ULK4: variants seen among roughly 807,000 people sequenced by gnomAD.
The protein encoded by ULK4 is unc-51 like kinase 4, also known as inactive serine/threonine-protein kinase ULK4.
ULK4 carries 133 observed loss-of-function variants against 160.6 expected under a neutral mutation model. That is an observed-to-expected ratio of 0.83 (90% confidence interval 0.72 to 0.96). ULK4 has a LOEUF of 0.96. Among genes scored for constraint, ULK4 ranks in the 40% least tolerant of loss-of-function variants. The pLI is 0.00. For missense variants in ULK4, 1,580 were observed against 1,499.5 expected (o/e 1.05, Z -0.89); for synonymous variants, 534 against 539.8 (o/e 0.99, Z 0.15).
At position 41,559,081 on chromosome 3, in the gene ULK4, A is replaced by G. The variant is rs924337802; in HGVS notation, c.3226+6944T>C. On this transcript the variant is annotated intron_variant, in intron 32 of 36. Transcript: ENST00000301831. ...ATCATGTTCCCCTTCCTGTGTCCAT[A>G]TGTTCTCATTGTTCAATTCCCACCT... 1.6e-4 allele frequency among the ~76,000 whole-genome samples: 23 copies of G among 146,740 alleles called. No homozygotes were observed. The South Asian group carries it at 1.8e-3, about 11-fold the overall frequency.
intron 30 of ULK4, among the ~76,000 whole-genome samples, chr3:41,636,144 T>A (rs573228353): frequency 2.0e-5 from 3 of 152,280 alleles, no homozygotes; most frequent in Non-Finnish European, 4.4e-5. Context: ...ATTACATGTA[T>A]TACCATTGCC....
chr3:41,724,283 T>C (rs1467800570), intron 22 of ULK4, among the ~76,000 whole-genome samples: 1 of 152,222 alleles, frequency 6.6e-6, no homozygotes, highest in Non-Finnish European at 1.5e-5. Context: ...TGGATGCACA[T>C]AAACATTTCT....
chr3:41,545,002 C>T (rs981097842), intron 32 of ULK4, among the ~76,000 whole-genome samples: 14 of 152,194 alleles, frequency 9.2e-5, no homozygotes, highest in Non-Finnish European at 7.3e-5. Flanking sequence ...CTTGAATAAA[C>T]ACTCCTTGTA....
intron 31 of ULK4, among the ~76,000 whole-genome samples, chr3:41,601,916 G>A (rs1400431670): frequency 6.6e-6 from 1 of 151,998 alleles, no homozygotes; most frequent in Non-Finnish European, 1.5e-5. Context: ...AATCTGGGCT[G>A]GACATGGTGG....
chr3:41,709,424 G>C (rs2037013722), intron 25 of ULK4, among the ~76,000 whole-genome samples: 1 of 152,142 alleles, frequency 6.6e-6, no homozygotes, highest in African/African-American at 2.4e-5. Context: ...GTCTCGCTCT[G>C]TCACCAGGCT....
At chr3:41,943,461 C>T (rs763660736) in intron 2 of ULK4, among the ~76,000 whole-genome samples, 15 of 152,146 alleles carry the variant, frequency 9.9e-5, no homozygotes, top group Non-Finnish European at 2.2e-4. Context: ...TCTGGTTAAA[C>T]TCAACCAACC....
At chr3:41,958,911 G>C (rs1296503536) in intron 1 of ULK4, among the ~76,000 whole-genome samples, 2 of 152,076 alleles carry the variant, frequency 1.3e-5, no homozygotes, top group East Asian at 1.9e-4. Context: ...CAAAGGGATG[G>C]ATATGGCTGA....
chr3:41,491,979 G>A (rs1485324962), intron 32 of ULK4, among the ~76,000 whole-genome samples: 1 of 151,702 alleles, frequency 6.6e-6, no homozygotes, highest in Non-Finnish European at 1.5e-5. Flanking sequence ...AGAACATGTG[G>A]TGTTTGGTTT....
chr3:41,328,336 C>G (rs927118949), intron 35 of ULK4, among the ~76,000 whole-genome samples: 2 of 152,086 alleles, frequency 1.3e-5, no homozygotes, highest in Non-Finnish European at 2.9e-5. Context: ...AGCTCTGTTT[C>G]CTATTATCAG....
At chr3:41,390,593 C>T (rs1330585730) in intron 35 of ULK4, among the ~76,000 whole-genome samples, 6 of 152,104 alleles carry the variant, frequency 3.9e-5, no homozygotes, top group African/African-American at 1.2e-4. Flanking sequence ...TTTCAAAGAA[C>T]ATCTTTATTT....
chr3:41,431,547 C>CCTTTTTTTTTTTTTTTTTTTT lies in ULK4; in HGVS notation c.3492+23949_3492+23950insAAAAAAAAAAAAAAAAAAAAG, dbSNP rs563543377. ...CCTGTGAGGTGTTGTAATTCCCTCC[C>CCTTTTTTTTTTTTTTTTTTTT]TTTTTTTTTTTTTTTGATGTGGAAA... On this transcript the variant is annotated intron_variant, in intron 34 of 36. Transcript: ENST00000301831. Among the ~76,000 whole-genome samples, 237 of 95,764 alleles carry CCTTTTTTTTTTTTTTTTTTTT rather than the reference C, an allele frequency of 2.5e-3. 15 individuals are homozygous for CCTTTTTTTTTTTTTTTTTTTT. Among genetic ancestry groups the CCTTTTTTTTTTTTTTTTTTTT allele is most frequent in the African/African-American group, 3.5e-3 (82 of 23,670 alleles). The allele number at this position is 95,764 out of a possible 152,430, so 62.8% of individuals were successfully genotyped here. A position where few individuals can be genotyped will look rare whatever the true frequency, so the allele number is the denominator to read the frequency against.
At chr3:41,506,906 C>T (rs1329194139) in intron 32 of ULK4, among the ~76,000 whole-genome samples, 1 of 147,080 alleles carries the variant, frequency 6.8e-6, no homozygotes, top group East Asian at 2.0e-4. Flanking sequence ...TGCGCATTGG[C>T]GGGTATCCTG....
intron 35 of ULK4, among the ~76,000 whole-genome samples, chr3:41,301,201 G>C (rs190210757): frequency 4.6e-5 from 7 of 152,156 alleles, no homozygotes; most frequent in Admixed American, 4.6e-4. Flanking sequence ...GCGAGATGGG[G>C]AAAAATCAAT....
intron 31 of ULK4, among the ~76,000 whole-genome samples, chr3:41,581,202 T>C (rs572718714): frequency 1.6e-4 from 25 of 152,266 alleles, no homozygotes; most frequent in Admixed American, 5.2e-4. Flanking sequence ...TACCAGAATC[T>C]AGCTAAGTTA....
chr3:41,914,597 CA>C (rs1281313146), intron 8 of ULK4, among the ~76,000 whole-genome samples: 5 of 152,014 alleles, frequency 3.3e-5, no homozygotes, highest in African/African-American at 1.2e-4. Context: ...CAAGTAAACC[CA>C]AAAAAATTTT....
At chr3:41,456,066 C>T (rs1417318746) in intron 33 of ULK4, among the ~76,000 whole-genome samples, 1 of 152,146 alleles carries the variant, frequency 6.6e-6, no homozygotes. Context: ...CTTGCCACCA[C>T]ACCTCGCTAG....
chr3:41,348,351 A>T (rs1356277624), intron 35 of ULK4, among the ~76,000 whole-genome samples: 1 of 152,154 alleles, frequency 6.6e-6, no homozygotes, highest in Non-Finnish European at 1.5e-5. Flanking sequence ...TGTGTCTAGG[A>T]CAAGGTGTAC....
At chr3:41,771,804 C>A (rs923650572) in intron 21 of ULK4, among the ~76,000 whole-genome samples, 1 of 152,142 alleles carries the variant, frequency 6.6e-6, no homozygotes. Flanking sequence ...AATACCAATC[C>A]TTTTATTTAA....
intron 22 of ULK4, among the ~76,000 whole-genome samples, chr3:41,745,618 A>G (rs1447880079): frequency 6.6e-6 from 1 of 151,692 alleles, no homozygotes; most frequent in Non-Finnish European, 1.5e-5. Flanking sequence ...GAAAACAGAA[A>G]CAGAGGGCAT....
Sources: allele counts gnomAD v4.1 joint callset (sites outside exome capture counted in the v4.1 genomes callset), GRCh38; gene constraint gnomAD v4.1.1; transcripts MANE v1.5; gene names NCBI Gene and HGNC (gene_info 2026-07-23, HGNC 2026-07-21).